Variants in PREP observed in about 807,000 individuals in gnomAD.
PREP encodes prolyl endopeptidase, also known as dJ355L5.1 (prolyl endopeptidase).
In PREP, 29 loss-of-function variants were observed where a neutral mutation model predicts 87.6. The observed-to-expected ratio is 0.33, with a 90% confidence interval of 0.25 to 0.45. The LOEUF is 0.45. Among genes scored for constraint, PREP ranks in the 20% least tolerant of loss-of-function variants. The pLI is 1.00. For missense variants in PREP, 695 were observed against 886.5 expected, an observed-to-expected ratio of 0.78 and a Z score of 2.74; for synonymous variants, 337 against 328.6, an observed-to-expected ratio of 1.03 and a Z score of -0.28.
chr6:105,333,515 G>C lies in PREP; in HGVS notation c.824-10C>G. On this transcript the variant is annotated splice_polypyrimidine_tract_variant and intron_variant, in intron 7 of 14. Coordinates refer to ENST00000652536, the MANE Select transcript of PREP (RefSeq NM_002726.5). ...ACCCACTTCAGGATTCCTGGCAAGAGACCAAGCATTCTCATCATCTCTCTA... is the reference window on the plus strand; with the variant it reads ...ACCCACTTCAGGATTCCTGGCAAGACACCAAGCATTCTCATCATCTCTCTA... The C allele has an allele frequency of 6.2e-7, 1 of 1,613,394 alleles. No individual in the cohort carries two copies. The highest frequency in any genetic ancestry group is 8.5e-7 in the Non-Finnish European group (1 of 1,179,344).
chr6:105,282,050 C>A, intron 13 of PREP, 148 bp from the exon 14 acceptor site: 1 of 960,156 alleles, frequency 1.0e-6, no homozygotes, highest in Non-Finnish European at 1.5e-6. Context: ...ATCACCTGCC[C>A]AATAGCCCCA....
At chr6:105,294,595 T>C (rs1770368947) in intron 10 of PREP, among the ~76,000 whole-genome samples, 1 of 152,192 alleles carries the variant, frequency 6.6e-6, no homozygotes, top group Non-Finnish European at 1.5e-5. Context: ...TGCCAGGGAC[T>C]GCACTCAGCC....
chr6:105,373,738 GT>G (rs1224559559), intron 4 of PREP, among the ~76,000 whole-genome samples, 160 bp from the exon 5 acceptor site: 1 of 152,218 alleles, frequency 6.6e-6, no homozygotes, highest in Non-Finnish European at 1.5e-5. Context: ...CTCAGCCCAA[GT>G]TTTACAGGAA....
At chr6:105,294,446 T>C (rs1770364704) in intron 10 of PREP, among the ~76,000 whole-genome samples, 1 of 152,208 alleles carries the variant, frequency 6.6e-6, no homozygotes, top group Non-Finnish European at 1.5e-5. Flanking sequence ...TCTCCTGTGA[T>C]TTCCCTCAGT....
chr6:105,291,677 A>G (rs1770299315), intron 10 of PREP, among the ~76,000 whole-genome samples: 1 of 152,184 alleles, frequency 6.6e-6, no homozygotes, highest in African/African-American at 2.4e-5. Context: ...CAGACAGCCT[A>G]TTGTGGGACC....
chr6:105,397,383 C>G (rs938261232), intron 2 of PREP, among the ~76,000 whole-genome samples: 1 of 152,140 alleles, frequency 6.6e-6, no homozygotes, highest in Non-Finnish European at 1.5e-5. Context: ...TGCCCCTTCA[C>G]TACTTAGCTT....
chr6:105,384,680 C>T (rs1772937259), intron 2 of PREP, among the ~76,000 whole-genome samples: 1 of 152,140 alleles, frequency 6.6e-6, no homozygotes, highest in Non-Finnish European at 1.5e-5. Context: ...CCAGGCAAAA[C>T]AATCAGAATC....
intron 10 of PREP, among the ~76,000 whole-genome samples, chr6:105,305,326 C>T (rs1267170099): frequency 6.6e-6 from 1 of 152,050 alleles, no homozygotes; most frequent in Non-Finnish European, 1.5e-5. Context: ...CCAAGCAGTT[C>T]ATGGCAGTGT....
chr6:105,344,583 G>A (rs1359277195), intron 7 of PREP, among the ~76,000 whole-genome samples: 1 of 150,966 alleles, frequency 6.6e-6, no homozygotes, highest in African/African-American at 2.4e-5. Context: ...CGCAAAGACA[G>A]AAAACCAAAC....
At chr6:105,343,325 T>C (rs1158916655) in intron 7 of PREP, among the ~76,000 whole-genome samples, 2 of 149,538 alleles carry the variant, frequency 1.3e-5, no homozygotes, top group Non-Finnish European at 3.0e-5. Flanking sequence ...GCTAGCCATA[T>C]GTAGAAAGCT....
chr6:105,318,265 A>C (rs752269865), intron 10 of PREP, among the ~76,000 whole-genome samples: 3 of 152,180 alleles, frequency 2.0e-5, no homozygotes, highest in Non-Finnish European at 4.4e-5. Flanking sequence ...ATAAGACATA[A>C]GCAGATAGAG....
At chr6:105,383,063 C>G (rs1324052513) in intron 2 of PREP, among the ~76,000 whole-genome samples, 1 of 152,128 alleles carries the variant, frequency 6.6e-6, no homozygotes, top group Non-Finnish European at 1.5e-5. Context: ...CATCAAAAAG[C>G]AGCCAAGAGG....
At chr6:105,395,760 G>T (rs1666696084) in intron 2 of PREP, among the ~76,000 whole-genome samples, 1 of 152,188 alleles carries the variant, frequency 6.6e-6, no homozygotes, top group Non-Finnish European at 1.5e-5. Flanking sequence ...TTTTGACAGT[G>T]CTAAATCACT....
chr6:105,305,505 A>G (rs192340111), intron 10 of PREP, among the ~76,000 whole-genome samples: 1 of 152,330 alleles, frequency 6.6e-6, no homozygotes, highest in African/African-American at 2.4e-5. Context: ...AGGCGGTATC[A>G]CAAATAGCTA....
intron 7 of PREP, among the ~76,000 whole-genome samples, chr6:105,348,624 G>A (rs1771863141): frequency 6.6e-6 from 1 of 152,216 alleles, no homozygotes; most frequent in Non-Finnish European, 1.5e-5. Flanking sequence ...GCTCACGCCT[G>A]TAATCCCAGC....
At chr6:105,293,313 G>C (rs112534207) in intron 10 of PREP, among the ~76,000 whole-genome samples, 1 of 152,118 alleles carries the variant, frequency 6.6e-6, no homozygotes, top group African/African-American at 2.4e-5. Flanking sequence ...CCCAAGGAGA[G>C]GGAGTGAGAC....
chr6:105,341,285 C>T (rs551139079), intron 7 of PREP, among the ~76,000 whole-genome samples: 3 of 152,220 alleles, frequency 2.0e-5, no homozygotes, highest in Admixed American at 1.3e-4. Flanking sequence ...TCTTCAATGA[C>T]TACTGGGTAC....
At chr6:105,395,054 T>A (rs1280423269) in intron 2 of PREP, among the ~76,000 whole-genome samples, 1 of 152,234 alleles carries the variant, frequency 6.6e-6, no homozygotes, top group African/African-American at 2.4e-5. Flanking sequence ...AGTATCACTA[T>A]TAAAATTCTG....
chr6:105,321,064 A>G (rs1048492088), intron 10 of PREP, among the ~76,000 whole-genome samples: 3 of 152,228 alleles, frequency 2.0e-5, no homozygotes, highest in Non-Finnish European at 4.4e-5. Flanking sequence ...TTGTGACATC[A>G]TATTGTGCTT....
Sources: gnomAD v4.1 joint callset for allele counts (sites outside exome capture counted in the v4.1 genomes callset) on GRCh38, gnomAD v4.1.1 for gene constraint, MANE v1.5 for transcripts, NCBI Gene and HGNC (gene_info 2026-07-23, HGNC 2026-07-21) for gene names.